The following TRERF1 variants were observed in gnomAD, a reference collection of about 807,000 sequenced individuals.
TRERF1 encodes the protein transcriptional-regulating factor 1.
TRERF1 carries 27 observed loss-of-function variants against 122.9 expected under a neutral mutation model. The ratio of observed to expected loss-of-function variants is 0.22; its 90% confidence interval spans 0.16 to 0.30. The LOEUF (loss-of-function observed/expected upper bound fraction) is 0.30, where lower values mean the gene tolerates loss of function less well. Among genes scored for constraint, TRERF1 ranks in the 10% least tolerant of loss-of-function variants. The pLI is 1.00. For synonymous variants in TRERF1, 636 were observed against 641.7 expected, an observed-to-expected ratio of 0.99 and a Z score of 0.13; for missense variants, 1,248 against 1,560.3, an observed-to-expected ratio of 0.80 and a Z score of 3.37.
intron 3 of TRERF1, among the ~76,000 whole-genome samples, chr6:42,315,631 G>A (rs138657540): frequency 5.3e-5 from 8 of 152,178 alleles, no homozygotes; most frequent in African/African-American, 1.9e-4. Context: ...GGGGCCATCG[G>A]GCTGTCTTCT....
intron 2 of TRERF1, among the ~76,000 whole-genome samples, chr6:42,429,610 A>G (rs1784179593): frequency 6.6e-6 from 1 of 152,226 alleles, no homozygotes; most frequent in Non-Finnish European, 1.5e-5. Flanking sequence ...GAGATTATCC[A>G]GATCCTGAGA....
chr6:42,353,150 G>A (rs758189490), intron 3 of TRERF1, among the ~76,000 whole-genome samples: 6 of 152,002 alleles, frequency 3.9e-5, no homozygotes, highest in East Asian at 1.9e-4. Flanking sequence ...TGGCCTGGGC[G>A]ACAGAATGAG....
At chr6:42,308,785 AG>A (rs1787732084) in intron 3 of TRERF1, among the ~76,000 whole-genome samples, 1 of 152,006 alleles carries the variant, frequency 6.6e-6, no homozygotes, top group Non-Finnish European at 1.5e-5. Context: ...GGTCTACTTG[AG>A]GGGGGAGGGC....
intron 4 of TRERF1, among the ~76,000 whole-genome samples, chr6:42,277,711 C>T (rs910801186): frequency 6.6e-6 from 1 of 151,954 alleles, no homozygotes; most frequent in Non-Finnish European, 1.5e-5. Flanking sequence ...GGTGTAGTGG[C>T]GTGCGCCTGT....
intron 3 of TRERF1, among the ~76,000 whole-genome samples, chr6:42,312,022 C>T (rs780695703): frequency 3.9e-5 from 6 of 152,118 alleles, no homozygotes; most frequent in Non-Finnish European, 8.8e-5. Flanking sequence ...GACCAGGCAT[C>T]GCATTCCAGC....
chr6:42,338,745 G>A (rs1181054777), intron 3 of TRERF1, among the ~76,000 whole-genome samples: 1 of 152,116 alleles, frequency 6.6e-6, no homozygotes, highest in Admixed American at 6.6e-5. Context: ...TCAACCATGT[G>A]GCTAGAATGG....
At chr6:42,445,312 T>C (rs1423858257) in intron 2 of TRERF1, among the ~76,000 whole-genome samples, 1 of 150,132 alleles carries the variant, frequency 6.7e-6, no homozygotes, top group Non-Finnish European at 1.5e-5. Flanking sequence ...CCAATGGTGA[T>C]TTTTCTGGCC....
chr6:42,239,736 C>T (rs1391818420), intron 15 of TRERF1, among the ~76,000 whole-genome samples: 2 of 152,128 alleles, frequency 1.3e-5, no homozygotes, highest in Non-Finnish European at 2.9e-5. Flanking sequence ...CGCACCCTCC[C>T]CAGGATCCCC....
intron 14 of TRERF1, 85 bp downstream of exon 14, chr6:42,246,371 A>G (rs897776847): frequency 1.6e-4 from 162 of 1,034,490 alleles, no homozygotes; most frequent in Non-Finnish European, 2.2e-4. Flanking sequence ...AGTATCTTAA[A>G]CCAGTATCCA....
rs751239021 is a variant in TRERF1, at chr6:42,269,044, G to C, written c.547C>G (p.Gln183Glu). ...TCCATGGGCTTCTGAGACAGCAGCT[G>C]GCGGAGAGCACTGTCAGGGGCTCCA... The change falls in exon 5 of 18, where the codon CAG becomes GAG. Residue 183 changes from glutamine (Q) to glutamate (E), a missense_variant. By Grantham distance (29) the Gln-to-Glu change is conservative. This residue lies in a region of TRERF1 where 946 missense variants were observed against 1,073.0 expected (regional missense o/e 0.88). Transcript: ENST00000372922. This position sits in a 1 kb window ranked among gnomAD's most constrained non-coding sequence, Gnocchi z 4.9. 1.2e-6 allele frequency: 2 copies of C among 1,614,044 alleles called. No homozygotes were observed. Among genetic ancestry groups the C allele is most frequent in the Non-Finnish European group, 1.7e-6 (2 of 1,180,022 alleles).
At chr6:42,282,464 A>G (rs541664276) in intron 4 of TRERF1, among the ~76,000 whole-genome samples, 22 of 152,258 alleles carry the variant, frequency 1.4e-4, no homozygotes, top group African/African-American at 4.3e-4. Context: ...GGGAGCATCA[A>G]TTGAGCCCAG....
chr6:42,383,252 A>T (rs1776256269), intron 2 of TRERF1, among the ~76,000 whole-genome samples: 1 of 152,112 alleles, frequency 6.6e-6, no homozygotes, highest in Admixed American at 6.5e-5. Flanking sequence ...ACAAAAACAT[A>T]TTGAGCATAG....
intron 2 of TRERF1, among the ~76,000 whole-genome samples, chr6:42,399,760 C>T (rs188592335): frequency 3.9e-5 from 6 of 152,298 alleles, no homozygotes; most frequent in South Asian, 2.1e-4. Flanking sequence ...GTCATTGAGA[C>T]TAGAACTGTG....
chr6:42,443,942 C>T (rs555886582), intron 2 of TRERF1, among the ~76,000 whole-genome samples: 1 of 152,238 alleles, frequency 6.6e-6, no homozygotes, highest in African/African-American at 2.4e-5. Flanking sequence ...GATCTGATTC[C>T]CTCTCACAAC....
intron 2 of TRERF1, among the ~76,000 whole-genome samples, chr6:42,424,258 G>T (rs927369798): frequency 6.6e-6 from 1 of 152,180 alleles, no homozygotes; most frequent in Non-Finnish European, 1.5e-5. Flanking sequence ...CCCAGAAGTG[G>T]AAATGCCAGG....
chr6:42,439,236 A>G (rs1734909252), intron 2 of TRERF1, among the ~76,000 whole-genome samples: 1 of 151,720 alleles, frequency 6.6e-6, no homozygotes, highest in African/African-American at 2.4e-5. Context: ...TAACTCCAAA[A>G]CCTTCAGTGA....
chr6:42,354,724 C>T (rs1371341370), intron 3 of TRERF1, among the ~76,000 whole-genome samples: 2 of 152,160 alleles, frequency 1.3e-5, no homozygotes, highest in Middle Eastern at 3.2e-3. Flanking sequence ...CCTTTTATGA[C>T]AGCACCACAG....
intron 2 of TRERF1, among the ~76,000 whole-genome samples, chr6:42,397,146 T>C (rs1196988741): frequency 1.3e-5 from 2 of 152,022 alleles, no homozygotes; most frequent in Non-Finnish European, 2.9e-5. Flanking sequence ...AAAATTACAC[T>C]GTAACAGAGA....
chr6:42,334,730 G>C (rs1765838842), intron 3 of TRERF1, among the ~76,000 whole-genome samples: 1 of 152,228 alleles, frequency 6.6e-6, no homozygotes, highest in South Asian at 2.1e-4. Context: ...AGGCAAGGGA[G>C]GTCACAGCCA....
Sources: allele counts gnomAD v4.1 joint callset (sites outside exome capture counted in the v4.1 genomes callset), GRCh38; gene constraint gnomAD v4.1.1; regional missense constraint gnomAD v4.1.1; non-coding constraint Gnocchi (gnomAD v3.1); transcripts MANE v1.5; gene names NCBI Gene and HGNC (gene_info 2026-07-23, HGNC 2026-07-21).